Variants in NRXN1 observed in about 807,000 individuals in gnomAD.
The protein encoded by NRXN1 is neurexin-1.
In NRXN1, 39 loss-of-function variants were observed where a neutral mutation model predicts 150.9. The ratio of observed to expected loss-of-function variants is 0.26; its 90% CI spans 0.20 to 0.34. The LOEUF is 0.34. Among genes scored for constraint, NRXN1 ranks in the 10% least tolerant of loss-of-function variants. The pLI, the probability that NRXN1 is intolerant of heterozygous loss-of-function variation, is 1.00. For synonymous variants in NRXN1, 924 were observed against 757.0 expected (o/e 1.22, Z -3.62); for missense variants, 1,815 against 1,949.9 (o/e 0.93, Z 1.30).
At chr2:50,655,397 C>T (rs553155657) in intron 5 of NRXN1, among the ~76,000 whole-genome samples, 2 of 152,102 alleles carry the variant, frequency 1.3e-5, no homozygotes, top group Admixed American at 6.6e-5. Context: ...TTCTAGCTTA[C>T]AGCCTAGGAA....
chr2:50,603,816 G>C (rs1253427009), intron 8 of NRXN1, among the ~76,000 whole-genome samples: 1 of 152,054 alleles, frequency 6.6e-6, no homozygotes, highest in African/African-American at 2.4e-5. Context: ...AATGCATTGC[G>C]TTGCACTCCA....
chr2:50,981,532 T>C (rs952697908), intron 2 of NRXN1, among the ~76,000 whole-genome samples: 23 of 150,614 alleles, frequency 1.5e-4, no homozygotes, highest in African/African-American at 4.2e-4. Context: ...TTGTGGAAGA[T>C]TGTCTCTTCA....
intron 17 of NRXN1, among the ~76,000 whole-genome samples, chr2:50,374,347 G>A (rs1027176924): frequency 1.4e-5 from 2 of 139,208 alleles, no homozygotes; most frequent in African/African-American, 5.3e-5. Context: ...ATAAAATTGG[G>A]TGATGATTTC....
intron 13 of NRXN1, among the ~76,000 whole-genome samples, chr2:50,501,385 ATGTGTGTGTGTGTGAGTGTG>A (rs2091932301): frequency 1.4e-5 from 1 of 73,518 alleles, no homozygotes; most frequent in South Asian, 5.2e-4. Flanking sequence ...TGACTCGTGT[ATGTGTGTGTGTGTGAGTGTG>A]TGTGTGTGTG....
chr2:50,689,281 G>C (rs1309950388), intron 5 of NRXN1, among the ~76,000 whole-genome samples: 1 of 151,954 alleles, frequency 6.6e-6, no homozygotes, highest in Non-Finnish European at 1.5e-5. Context: ...TAAAATTACA[G>C]GCTTGAAAAG....
At chr2:49,993,859 T>C (rs1682456615) in intron 21 of NRXN1, among the ~76,000 whole-genome samples, 1 of 152,156 alleles carries the variant, frequency 6.6e-6, no homozygotes, top group African/African-American at 2.4e-5. Flanking sequence ...CTTTACCTCA[T>C]TAACTTATTT....
intron 18 of NRXN1, among the ~76,000 whole-genome samples, chr2:50,162,232 A>G (rs1050550697): frequency 9.2e-5 from 14 of 152,112 alleles, no homozygotes; most frequent in Non-Finnish European, 2.1e-4. Flanking sequence ...GGCGTTTTAT[A>G]TAGTGTTAAG....
At chr2:50,674,991 C>G (rs187997037) in intron 5 of NRXN1, among the ~76,000 whole-genome samples, 2 of 151,670 alleles carry the variant, frequency 1.3e-5, no homozygotes, top group Non-Finnish European at 2.9e-5. Flanking sequence ...GATGATCCCT[C>G]AGAAATGGCT....
At chr2:50,182,312 T>C (rs11896556) in intron 18 of NRXN1, among the ~76,000 whole-genome samples, 26,841 of 151,904 alleles carry the variant, frequency 0.18, 2,825 homozygotes, top group East Asian at 0.4. Context: ...GTGGCATTCA[T>C]CTTCTAGATC....
intron 12 of NRXN1, among the ~76,000 whole-genome samples, chr2:50,513,962 C>T (rs1459327390): frequency 6.6e-6 from 1 of 152,120 alleles, no homozygotes; most frequent in African/African-American, 2.4e-5. Flanking sequence ...AGGTTAACTA[C>T]ATAAATGAAC....
intron 18 of NRXN1, among the ~76,000 whole-genome samples, chr2:50,200,138 A>C (rs1273681834): frequency 1.3e-5 from 2 of 152,196 alleles, no homozygotes; most frequent in African/African-American, 2.4e-5. Context: ...ATTTTGATTC[A>C]GCAATGGAAA....
At chr2:51,025,164 G>A (rs370253637) in intron 2 of NRXN1, among the ~76,000 whole-genome samples, 4 of 152,022 alleles carry the variant, frequency 2.6e-5, no homozygotes, top group Admixed American at 6.6e-5. Context: ...TTCCTTCTAC[G>A]TTTCGTGGTG....
chr2:50,743,904 C>G (rs1307114143), intron 5 of NRXN1, among the ~76,000 whole-genome samples: 2 of 152,070 alleles, frequency 1.3e-5, no homozygotes, highest in African/African-American at 4.8e-5. Context: ...AGAAAGTTTC[C>G]TCCTTCATAG....
chr2:50,313,929 C>T (rs146971651), intron 17 of NRXN1, among the ~76,000 whole-genome samples: 151 of 152,098 alleles, frequency 9.9e-4, no homozygotes, highest in Admixed American at 1.7e-3. Context: ...AATATATTAG[C>T]ATATAAGCAC....
intron 21 of NRXN1, among the ~76,000 whole-genome samples, chr2:49,965,144 T>C (rs1676726404): frequency 6.6e-6 from 1 of 151,950 alleles, no homozygotes. Context: ...CCTCCCAAAG[T>C]GCTGGGATTA....
At chr2:51,030,936 G>A (rs996843243) in intron 1 of NRXN1, among the ~76,000 whole-genome samples, 2 of 150,634 alleles carry the variant, frequency 1.3e-5, no homozygotes, top group Non-Finnish European at 3.0e-5. Flanking sequence ...ATTAATTAAT[G>A]TTACATTGAT....
chr2:50,799,472 G>A lies in NRXN1; in HGVS notation c.832+122397C>T, dbSNP rs74443391. On this transcript the variant is annotated intron_variant, in intron 5 of 22. Transcript: ENST00000401669. ...AAATCTGAGGTGGGCTGGGGGATGT[G>A]TTCAGCACATAGTACAGACAATCCC... Among the ~76,000 whole-genome samples the A allele has an allele frequency of 2.6e-4, 39 of 152,298 alleles. No individual in the cohort carries two copies. In the East Asian group the frequency reaches 7.5e-3, roughly 29 times the overall value.
intron 13 of NRXN1, 57 bp downstream of exon 13, chr2:50,506,438 A>G: frequency 6.5e-7 from 1 of 1,537,032 alleles, no homozygotes. Flanking sequence ...ACCACCTGCA[A>G]GAAATGAGAG....
intron 17 of NRXN1, among the ~76,000 whole-genome samples, chr2:50,443,400 G>A (rs2086136284): frequency 6.6e-6 from 1 of 152,168 alleles, no homozygotes; most frequent in Non-Finnish European, 1.5e-5. Flanking sequence ...CGTATAGAAA[G>A]TGTGAGGCCA....
Sources: gnomAD v4.1 joint callset for allele counts (sites outside exome capture counted in the v4.1 genomes callset) on GRCh38, gnomAD v4.1.1 for gene constraint, MANE v1.5 for transcripts, NCBI Gene and HGNC (gene_info 2026-07-23, HGNC 2026-07-21) for gene names.